The following KCNA2 variants were observed in gnomAD, a reference collection of about 807,000 sequenced individuals.
The protein encoded by KCNA2 is potassium voltage-gated channel subfamily A member 2.
In KCNA2, 11 loss-of-function variants were observed where a neutral mutation model predicts 33.4. The observed-to-expected ratio is 0.33, with a 90% confidence interval of 0.21 to 0.55. KCNA2 has a LOEUF of 0.55. Among genes scored for constraint, KCNA2 ranks in the 20% least tolerant of loss-of-function variants. The probability of loss-of-function intolerance (pLI) is 0.93; values close to 1 mark genes in which losing one functional copy is unlikely to be tolerated. For synonymous variants in KCNA2, 222 were observed against 231.3 expected, an observed-to-expected ratio of 0.96 and a Z score of 0.37; for missense variants, 291 against 621.6, an observed-to-expected ratio of 0.47 and a Z score of 5.66.
rs1430669434 is a variant in KCNA2, at chr1:110,601,320, C to T, written c.*1963G>A. Reference sequence around the variant, plus strand: ...TAGGTCCAGATCAGTGGAATTTGGTCCCAGGGAGTCCTACTCCTTGGTGTC... The same window carrying T: ...TAGGTCCAGATCAGTGGAATTTGGTTCCAGGGAGTCCTACTCCTTGGTGTC... On this transcript the variant is annotated 3_prime_UTR_variant, in exon 3 of 3. Transcript: ENST00000316361. 3 of 985,198 alleles carry T rather than the reference C, an allele frequency of 3.0e-6. No individual in the cohort carries two copies. In the African/African-American group the frequency reaches 5.2e-5, roughly 17 times the overall value. The allele number at this position is 985,198 out of a possible 1,614,324, so 61.0% of individuals were successfully genotyped here.
At chr1:110,608,626 C>T (rs1649761487), upstream of KCNA2, among the ~76,000 whole-genome samples, 1 of 152,154 alleles carries the variant, frequency 6.6e-6, no homozygotes, top group South Asian at 2.1e-4. Flanking sequence ...GGGCAGTGAC[C>T]TCCGTGGGCC....
chr1:110,602,364 C>T lies in KCNA2; in HGVS notation c.*919G>A. On this transcript the variant is annotated 3_prime_UTR_variant, in exon 3 of 3. Coordinates refer to ENST00000316361, the MANE Select transcript of KCNA2 (RefSeq NM_004974.4). Reference sequence around the variant, plus strand: ...GTAGGCTACTAGGAAAATAGGTTATCTCCTGTGTTTTAAATATTGAGATTC... The same window carrying T: ...GTAGGCTACTAGGAAAATAGGTTATTTCCTGTGTTTTAAATATTGAGATTC... 7.1e-7 allele frequency: 1 copy of T among 1,410,622 alleles called. No homozygotes were observed. Among genetic ancestry groups the T allele is most frequent in the East Asian group, 2.5e-5 (1 of 39,402 alleles). 87.4% of individuals were successfully genotyped at this position (1,410,622 alleles called of 1,614,324 possible).
chr1:110,607,719 TAATC>T (rs1012708386), upstream of KCNA2: 1 of 152,334 alleles, frequency 6.6e-6, no homozygotes, highest in Non-Finnish European at 1.5e-5. Flanking sequence ...AAGGAGGAGA[TAATC>T]AATAGCAGCT....
In KCNA2 at chr1:110,601,686, T is replaced by A; in HGVS notation, c.*1597A>T. The stretch of plus-strand genomic sequence containing the variant: ...GGCAGCAAACCCAGGCCCAGTGGGG[T>A]TACCAATGAGACAAATTAACCCATT... On this transcript the variant is annotated 3_prime_UTR_variant, in exon 3 of 3. Transcript: ENST00000316361. 9.1e-7 allele frequency: 1 copy of A among 1,093,784 alleles called. No homozygotes were observed. Among genetic ancestry groups the A allele is most frequent in the Non-Finnish European group, 1.1e-6 (1 of 901,688 alleles). The allele number at this position is 1,093,784 out of a possible 1,614,324, so 67.8% of individuals were successfully genotyped here.
At chr1:110,629,175 G>C (rs1417577534) in intron 1 of KCNA2, among the ~76,000 whole-genome samples, 2 of 152,080 alleles carry the variant, frequency 1.3e-5, no homozygotes, top group Non-Finnish European at 2.9e-5. Context: ...GAATGTCTTG[G>C]GGTGAGAGCC....
In KCNA2 at chr1:110,602,443, T is replaced by C; in HGVS notation, c.*840A>G. 2 of 1,292,798 alleles carry C rather than the reference T, an allele frequency of 1.5e-6. No homozygotes were observed. The highest frequency in any genetic ancestry group is 2.0e-5 in the South Asian group (1 of 51,066). The allele number at this position is 1,292,798 out of a possible 1,614,324, so 80.1% of individuals were successfully genotyped here. On this transcript the variant is annotated 3_prime_UTR_variant, in exon 3 of 3. Coordinates refer to ENST00000316361, the MANE Select transcript of KCNA2 (RefSeq NM_004974.4). Reference sequence around the variant, plus strand: ...GCATCACTGGTAAATTTCACTGCAGTGTCAGTGTAGCTGGGCCACATCAGT... The same window carrying C: ...GCATCACTGGTAAATTTCACTGCAGCGTCAGTGTAGCTGGGCCACATCAGT...
chr1:110,609,435 T>C (rs1003714005), upstream of KCNA2, among the ~76,000 whole-genome samples: 1 of 152,140 alleles, frequency 6.6e-6, no homozygotes, highest in African/African-American at 2.4e-5. Flanking sequence ...TACCATTTCA[T>C]TGGAAAGGAA....
rs1368010448 is a variant in KCNA2 at position 110,606,230 on chromosome 1, T to C, written c.-498A>G. ...GTACGAAAACTGGATGAACTTACTC[T>C]CCCTCCGGGATCCCTGGGCCGCAGG... is the stretch of plus-strand genomic sequence containing the variant. On this transcript the variant is annotated splice_region_variant and 5_prime_UTR_variant, in exon 1 of 3. Transcript: ENST00000316361. 6.6e-6 allele frequency: 1 copy of C among 152,366 alleles called. No homozygotes were observed. The highest frequency in any genetic ancestry group is 2.4e-5 in the African/African-American group (1 of 41,422). 9.4% of individuals were successfully genotyped at this position (152,366 alleles called of 1,614,324 possible).
In KCNA2 at chr1:110,618,049, G is replaced by A. The variant is rs1204660906; in HGVS notation, c.-495-12327C>T. Reference sequence around the variant, plus strand: ...GATGAGAATGTAGATGGAGTGAGAAGAGCAGAGAGGGCCTGGGTGCGGCGG... The same window carrying A: ...GATGAGAATGTAGATGGAGTGAGAAAAGCAGAGAGGGCCTGGGTGCGGCGG... On this transcript the variant is annotated intron_variant, in intron 1 of 4. Coordinates refer to the KCNA2 transcript ENST00000369770. Among the ~76,000 whole-genome samples, 4 of 152,184 alleles carry A rather than the reference G, an allele frequency of 2.6e-5. No homozygotes were observed. In the East Asian group the frequency reaches 5.8e-4, roughly 22 times the overall value.
Position 110,597,907 on chromosome 1 carries a change from G to C in KCNA2, c.*5376C>G. The C allele has an allele frequency of 2.0e-6, 2 of 985,440 alleles. No homozygotes were observed. The highest frequency in any genetic ancestry group is 2.4e-6 in the Non-Finnish European group (2 of 829,924). 61.0% of individuals were successfully genotyped at this position (985,440 alleles called of 1,614,324 possible). Reference sequence around the variant, plus strand: ...AAGGAAAAGTAAACTAGGTTAGTTTGAGGAAGAGAACCTTCCTGCATGTAG... The same window carrying C: ...AAGGAAAAGTAAACTAGGTTAGTTTCAGGAAGAGAACCTTCCTGCATGTAG... On this transcript the variant is annotated 3_prime_UTR_variant, in exon 3 of 3. Transcript: ENST00000316361.
chr1:110,614,799 G>C (rs1649996246), intron 1 of KCNA2, among the ~76,000 whole-genome samples: 1 of 152,164 alleles, frequency 6.6e-6, no homozygotes, highest in Non-Finnish European at 1.5e-5. Flanking sequence ...GGACATCAAG[G>C]CTCAGAGGTC....
chr1:110,604,912 G>T lies in KCNA2; in HGVS notation c.-130C>A. ...GGTCTCCTGCAGGAGAGCCCCGAGA[G>T]CTCTCTGAGAGCTGGAGAGACAGCC... On this transcript the variant is annotated 5_prime_UTR_variant, in exon 3 of 3. Coordinates refer to ENST00000316361, the MANE Select transcript of KCNA2 (RefSeq NM_004974.4). This position sits in a 1 kb window ranked among gnomAD's most constrained non-coding sequence, Gnocchi z 7.6. 1.2e-6 allele frequency: 1 copy of T among 834,230 alleles called. No individual in the cohort carries two copies. Among genetic ancestry groups the T allele is most frequent in the Non-Finnish European group, 1.9e-6 (1 of 521,326 alleles). The allele number at this position is 834,230 out of a possible 1,614,324, so 51.7% of individuals were successfully genotyped here. A position where few individuals can be genotyped will look rare whatever the true frequency, so the allele number is the denominator to read the frequency against.
At position 110,596,113 on chromosome 1, in the gene KCNA2, G is replaced by C; in HGVS notation, c.*7170C>G. Reference sequence around the variant, plus strand: ...AAGGAAAGAGGTGATCCTGTAGCCTGTTCTTTTTTTATGAAAGATCTGCCT... The same window carrying C: ...AAGGAAAGAGGTGATCCTGTAGCCTCTTCTTTTTTTATGAAAGATCTGCCT... On this transcript the variant is annotated 3_prime_UTR_variant, in exon 3 of 3. Coordinates refer to ENST00000316361, the MANE Select transcript of KCNA2 (RefSeq NM_004974.4). The C allele has an allele frequency of 2.0e-6, 2 of 985,234 alleles. No individual in the cohort carries two copies. The highest frequency in any genetic ancestry group is 9.4e-5 in the South Asian group (2 of 21,282). 61.0% of individuals were successfully genotyped at this position (985,234 alleles called of 1,614,324 possible). A position where few individuals can be genotyped will look rare whatever the true frequency, so the allele number is the denominator to read the frequency against.
At chr1:110,610,662 T>C (rs1327795333), upstream of KCNA2, among the ~76,000 whole-genome samples, 1 of 152,242 alleles carries the variant, frequency 6.6e-6, no homozygotes, top group African/African-American at 2.4e-5. Context: ...TGCCCACTTT[T>C]ACTGTTAGCT....
In KCNA2 at chr1:110,604,100, A is replaced by G; in HGVS notation, c.683T>C (p.Leu228Pro). Reference sequence around the variant, plus strand: ...TTCAAAGGAGAACCAGATGATGCAGAGTGTCTCTACAATGAAGAAAGGGTC... The same window carrying G: ...TTCAAAGGAGAACCAGATGATGCAGGGTGTCTCTACAATGAAGAAAGGGTC... ...FTDPFFIVET[L>P]CIIWFSFEFL... is the part of the protein sequence containing the mutation. The change falls in exon 3 of 3, where the codon CTC (leucine) becomes CCC (proline). Residue 228 changes from leucine (L) to proline (P), a missense_variant. Physicochemically the swap from Leu to Pro is moderately conservative, Grantham distance 98 (BLOSUM62 -3). This residue lies in a region of KCNA2 where 43 missense variants were observed against 159.4 expected (regional missense o/e 0.27). Transcript: ENST00000316361. The surrounding 1 kb of genome is among the most constrained non-coding windows in gnomAD (Gnocchi z 7.6). The G allele has an allele frequency of 6.2e-7, 1 of 1,614,178 alleles. No individual in the cohort carries two copies. Among genetic ancestry groups the G allele is most frequent in the Non-Finnish European group, 8.5e-7 (1 of 1,180,044 alleles).
At chr1:110,623,376 G>A (rs1254199053) in intron 1 of KCNA2, among the ~76,000 whole-genome samples, 1 of 152,124 alleles carries the variant, frequency 6.6e-6, no homozygotes, top group African/African-American at 2.4e-5. Flanking sequence ...AACAGAAAAT[G>A]TTTTGACCTT....
Position 110,594,228 on chromosome 1 carries a change from C to T in KCNA2, c.*9055G>A. Reference sequence around the variant, plus strand: ...AAGCAGCAAGGAAGCCAGTGCAAACCCTAACTGGAGTCTGTGCTGCATGAG... The same window carrying T: ...AAGCAGCAAGGAAGCCAGTGCAAACTCTAACTGGAGTCTGTGCTGCATGAG... On this transcript the variant is annotated 3_prime_UTR_variant, in exon 3 of 3. Coordinates refer to ENST00000316361, the MANE Select transcript of KCNA2 (RefSeq NM_004974.4). The T allele has an allele frequency of 9.0e-7, 1 of 1,107,236 alleles. No homozygotes were observed. The highest frequency in any genetic ancestry group is 1.1e-6 in the Non-Finnish European group (1 of 907,448). 68.6% of individuals were successfully genotyped at this position (1,107,236 alleles called of 1,614,324 possible). A position where few individuals can be genotyped will look rare whatever the true frequency, so the allele number is the denominator to read the frequency against.
chr1:110,610,916 C>G (rs1351411456), upstream of KCNA2, among the ~76,000 whole-genome samples: 1 of 152,118 alleles, frequency 6.6e-6, no homozygotes, highest in Non-Finnish European at 1.5e-5. Context: ...CTGTGCGACC[C>G]AAGCTCACTC....
At position 110,599,101 on chromosome 1, in the gene KCNA2, C is replaced by T. The variant is rs552514734; in HGVS notation, c.*4182G>A. ...CCTTTTCTGTAGAGACTGGGAGCTG[C>T]GACCATCACTGGAAGGGAGAGTGAG... On this transcript the variant is annotated 3_prime_UTR_variant, in exon 3 of 3. Coordinates refer to ENST00000316361, the MANE Select transcript of KCNA2 (RefSeq NM_004974.4). The T allele has an allele frequency of 3.9e-5, 38 of 985,286 alleles. No homozygotes were observed. The highest frequency in any genetic ancestry group is 1.6e-4 in the African/African-American group (9 of 57,228). 61.0% of individuals were successfully genotyped at this position (985,286 alleles called of 1,614,324 possible). A position where few individuals can be genotyped will look rare whatever the true frequency, so the allele number is the denominator to read the frequency against.
Sources: allele counts gnomAD v4.1 joint callset (sites outside exome capture counted in the v4.1 genomes callset), GRCh38; gene constraint gnomAD v4.1.1; regional missense constraint gnomAD v4.1.1; non-coding constraint Gnocchi (gnomAD v3.1); transcripts MANE v1.5; gene names NCBI Gene and HGNC (gene_info 2026-07-23, HGNC 2026-07-21).